EHBP1: variants seen among roughly 807,000 people sequenced by gnomAD.
The protein encoded by EHBP1 is EH domain-binding protein 1.
Under a neutral mutation model 144.0 loss-of-function variants are expected in EHBP1, and 55 were observed. The ratio of observed to expected loss-of-function variants is 0.38; its 90% CI spans 0.31 to 0.48. The LOEUF (loss-of-function observed/expected upper bound fraction) is 0.48. Ranked by LOEUF, EHBP1 falls within the 20% of genes least tolerant of loss-of-function variation. The pLI is 0.98. For synonymous variants in EHBP1, 469 were observed against 472.7 expected, an observed-to-expected ratio of 0.99 and a Z score of 0.10; for missense variants, 1,200 against 1,364.2, an observed-to-expected ratio of 0.88 and a Z score of 1.90.
At chr2:62,831,825 T>A (rs1015776132) in intron 7 of EHBP1, among the ~76,000 whole-genome samples, 2 of 152,194 alleles carry the variant, frequency 1.3e-5, no homozygotes, top group African/African-American at 4.8e-5. Context: ...TGAATTGATG[T>A]CCCTTCACTT....
At chr2:62,854,787 G>C (rs1049292384) in intron 7 of EHBP1, among the ~76,000 whole-genome samples, 1 of 152,210 alleles carries the variant, frequency 6.6e-6, no homozygotes, top group Non-Finnish European at 1.5e-5. Flanking sequence ...GGTGGCTGTC[G>C]TCATGCCTGC....
chr2:62,786,815 G>T (rs974156215), intron 5 of EHBP1, among the ~76,000 whole-genome samples: 6 of 152,118 alleles, frequency 3.9e-5, no homozygotes. Context: ...CAGCAGTTTG[G>T]CCAGCTCTGC....
intron 10 of EHBP1, among the ~76,000 whole-genome samples, chr2:62,922,645 A>G (rs2055175348): frequency 6.6e-6 from 1 of 152,216 alleles, no homozygotes; most frequent in African/African-American, 2.4e-5. Flanking sequence ...CTTCCCTACA[A>G]GAAAGAATAA....
intron 10 of EHBP1, among the ~76,000 whole-genome samples, chr2:62,886,014 C>A (rs1373980687): frequency 2.0e-5 from 3 of 152,206 alleles, no homozygotes; most frequent in Admixed American, 1.3e-4. Flanking sequence ...CTTGAGTAGA[C>A]TACAGAAACT....
rs753877261 is a variant in EHBP1 at position 62,859,120 on chromosome 2, T to TACTTAC, written c.635-43_635-38dup. 1.8e-5 allele frequency: 28 copies of TACTTAC among 1,534,364 alleles called. No homozygotes were observed. In the South Asian group the frequency reaches 3.1e-4, roughly 17 times the overall value. ...TTTGAAATATTTCACGAATGTTCAA[T>TACTTAC]ACTTACACTTAACCATAATAGGGAA... On this transcript the variant is annotated intron_variant, in intron 7 of 22. Coordinates refer to ENST00000431489, the MANE Select transcript of EHBP1 (RefSeq NM_001142616.3).
chr2:62,750,606 T>C (rs182331876), intron 3 of EHBP1, among the ~76,000 whole-genome samples: 4 of 152,370 alleles, frequency 2.6e-5, no homozygotes, highest in Non-Finnish European at 5.9e-5. Context: ...TCATTATTCC[T>C]ATCCATGAGC....
intron 21 of EHBP1, among the ~76,000 whole-genome samples, chr2:63,039,838 G>A (rs979132367): frequency 5.3e-4 from 80 of 151,944 alleles, no homozygotes; most frequent in African/African-American, 1.8e-3. Context: ...AAACTCATTT[G>A]ATAAATATCA....
chr2:62,951,027 G>A (rs186545142), intron 13 of EHBP1, among the ~76,000 whole-genome samples: 8 of 152,272 alleles, frequency 5.3e-5, no homozygotes, highest in Admixed American at 4.6e-4. Flanking sequence ...CTGTCTCTGG[G>A]ATTTTCTTCC....
At chr2:62,903,500 C>G (rs969936925) in intron 10 of EHBP1, among the ~76,000 whole-genome samples, 1 of 152,156 alleles carries the variant, frequency 6.6e-6, no homozygotes, top group East Asian at 1.9e-4. Flanking sequence ...CAGTGACTCA[C>G]GCCTGCAATC....
intron 7 of EHBP1, among the ~76,000 whole-genome samples, chr2:62,841,192 G>C (rs1171541646): frequency 6.6e-6 from 1 of 152,090 alleles, no homozygotes; most frequent in Non-Finnish European, 1.5e-5. Flanking sequence ...CCTTTGTATG[G>C]ACATGGATGA....
chr2:62,846,421 A>G (rs2048305549), intron 7 of EHBP1, among the ~76,000 whole-genome samples: 1 of 152,224 alleles, frequency 6.6e-6, no homozygotes. Context: ...AATTCAACAG[A>G]TGCAGAAAGG....
At chr2:62,965,410 A>G (rs1255883242) in intron 14 of EHBP1, among the ~76,000 whole-genome samples, 1 of 152,186 alleles carries the variant, frequency 6.6e-6, no homozygotes, top group Non-Finnish European at 1.5e-5. Context: ...GAGTTTTGAT[A>G]CTGTATAAGA....
At chr2:62,999,537 A>G (rs1431373931) in intron 19 of EHBP1, among the ~76,000 whole-genome samples, 1 of 152,036 alleles carries the variant, frequency 6.6e-6, no homozygotes, top group Admixed American at 6.6e-5. Flanking sequence ...TTTTTCTATG[A>G]ATTTGCTTTA....
chr2:62,849,128 A>T (rs887662528), intron 7 of EHBP1, among the ~76,000 whole-genome samples: 1 of 152,030 alleles, frequency 6.6e-6, no homozygotes, highest in African/African-American at 2.4e-5. Flanking sequence ...CAATATAATA[A>T]AATGGAAGTG....
At chr2:62,677,072 G>A (rs1190584724) in intron 1 of EHBP1, among the ~76,000 whole-genome samples, 3 of 152,134 alleles carry the variant, frequency 2.0e-5, no homozygotes, top group Admixed American at 6.6e-5. Flanking sequence ...GTCGGGGAGG[G>A]ACAGGTAGAG....
chr2:62,752,760 T>G (rs1234052721), intron 3 of EHBP1, among the ~76,000 whole-genome samples: 3 of 144,170 alleles, frequency 2.1e-5, no homozygotes, highest in Non-Finnish European at 4.6e-5. Context: ...TTTTGGTCTT[T>G]GTTTAAAGTG....
chr2:63,038,857 G>C, intron 21 of EHBP1, 41 bp downstream of exon 21: 1 of 1,558,924 alleles, frequency 6.4e-7, no homozygotes, highest in Non-Finnish European at 8.8e-7. Flanking sequence ...TGACGTGTCA[G>C]TTGTCAAAGA....
intron 2 of EHBP1, among the ~76,000 whole-genome samples, chr2:62,726,131 TG>T (rs1266418804): frequency 2.0e-5 from 3 of 152,142 alleles, no homozygotes; most frequent in African/African-American, 7.2e-5. Context: ...CCTAGGGGGA[TG>T]GGCAACCCTG....
chr2:62,697,831 T>C (rs1270553857), intron 1 of EHBP1, among the ~76,000 whole-genome samples: 2 of 152,208 alleles, frequency 1.3e-5, no homozygotes, highest in African/African-American at 4.8e-5. Flanking sequence ...AAGATATTAT[T>C]AAGGGAAATT....
Sources: allele counts gnomAD v4.1 joint callset (sites outside exome capture counted in the v4.1 genomes callset), GRCh38; gene constraint gnomAD v4.1.1; transcripts MANE v1.5; gene names NCBI Gene and HGNC (gene_info 2026-07-23, HGNC 2026-07-21).